MAGI2: variants seen among roughly 807,000 people sequenced by gnomAD.
The protein encoded by MAGI2 is membrane-associated guanylate kinase, WW and PDZ domain-containing protein 2.
MAGI2 carries 35 observed loss-of-function variants against 133.3 expected under a neutral mutation model. The ratio of observed to expected loss-of-function variants is 0.26; its 90% CI spans 0.20 to 0.35. MAGI2 has a LOEUF of 0.35. Ranked by LOEUF, MAGI2 falls within the 10% of genes least tolerant of loss-of-function variation. The pLI, the probability that MAGI2 is intolerant of heterozygous loss-of-function variation, is 1.00. For missense variants in MAGI2, 1,636 were observed against 1,863.4 expected, an observed-to-expected ratio of 0.88 and a Z score of 2.25; for synonymous variants, 729 against 710.6, an observed-to-expected ratio of 1.03 and a Z score of -0.41.
intron 1 of MAGI2, among the ~76,000 whole-genome samples, chr7:79,148,653 GT>G (rs1262263329): frequency 6.6e-6 from 1 of 151,906 alleles, no homozygotes; most frequent in Admixed American, 6.6e-5. Flanking sequence ...CCATGGATGT[GT>G]TTGTGCTTGA....
chr7:78,232,757 G>T (rs1584491702), intron 10 of MAGI2, among the ~76,000 whole-genome samples: 2 of 152,326 alleles, frequency 1.3e-5, no homozygotes, highest in South Asian at 2.1e-4. Flanking sequence ...CTTTCTGGAA[G>T]AAGTAATGTC....
At chr7:78,586,967 T>G (rs1391174429) in intron 3 of MAGI2, among the ~76,000 whole-genome samples, 2 of 152,244 alleles carry the variant, frequency 1.3e-5, no homozygotes, top group African/African-American at 4.8e-5. Context: ...TTTGTTTATC[T>G]GTTCATTCAC....
intron 9 of MAGI2, among the ~76,000 whole-genome samples, chr7:78,272,638 C>T (rs1212933086): frequency 2.0e-5 from 3 of 152,046 alleles, no homozygotes; most frequent in South Asian, 2.1e-4. Flanking sequence ...ATCGGGTGCA[C>T]ATATATTTAG....
chr7:78,210,844 C>T (rs935417751), intron 10 of MAGI2, among the ~76,000 whole-genome samples: 6 of 152,120 alleles, frequency 3.9e-5, no homozygotes, highest in African/African-American at 1.4e-4. Flanking sequence ...AGAGGAGGGT[C>T]ACTGGTGACC....
intron 9 of MAGI2, among the ~76,000 whole-genome samples, chr7:78,295,589 T>TATCA (rs1453512253): frequency 1.3e-5 from 2 of 152,196 alleles, no homozygotes. Context: ...TCCTAGTTCC[T>TATCA]ATCACAATGA....
chr7:78,162,317 A>G (rs1274832716), intron 15 of MAGI2, among the ~76,000 whole-genome samples: 1 of 150,470 alleles, frequency 6.6e-6, no homozygotes, highest in Non-Finnish European at 1.5e-5. Context: ...CGAGGTCAGG[A>G]GATCGAGACC....
chr7:78,609,817 T>G, intron 3 of MAGI2, among the ~76,000 whole-genome samples: 1 of 152,226 alleles, frequency 6.6e-6, no homozygotes, highest in East Asian at 1.9e-4. Context: ...TGTAGTAGGC[T>G]GATTTCAACT....
intron 1 of MAGI2, among the ~76,000 whole-genome samples, chr7:79,068,991 GTT>G (rs989141153): frequency 7.0e-6 from 1 of 143,200 alleles, no homozygotes; most frequent in Non-Finnish European, 1.5e-5. Flanking sequence ...CATTGGCTGA[GTT>G]TTTTTTTTTT....
At chr7:78,475,859 C>G (rs1441004428) in intron 6 of MAGI2, among the ~76,000 whole-genome samples, 1 of 151,666 alleles carries the variant, frequency 6.6e-6, no homozygotes, top group Non-Finnish European at 1.5e-5. Flanking sequence ...AAATCCAGCC[C>G]ATCTTTAAAA....
At chr7:79,152,888 T>C (rs1445334467) in intron 1 of MAGI2, among the ~76,000 whole-genome samples, 5 of 152,208 alleles carry the variant, frequency 3.3e-5, no homozygotes, top group Non-Finnish European at 5.9e-5. Flanking sequence ...AAGGTATCAA[T>C]TTCAACCTCA....
chr7:78,594,608 C>T (rs1327752513), intron 3 of MAGI2, among the ~76,000 whole-genome samples: 1 of 152,126 alleles, frequency 6.6e-6, no homozygotes, highest in Non-Finnish European at 1.5e-5. Flanking sequence ...CAGGCAAGCA[C>T]CACCATGCCC....
intron 9 of MAGI2, among the ~76,000 whole-genome samples, chr7:78,260,878 TTTTC>T (rs1417971790): frequency 6.6e-6 from 1 of 152,186 alleles, no homozygotes. Flanking sequence ...TAAGATAATT[TTTTC>T]TTTCTTAGTC....
chr7:78,960,539 G>T (rs1802750642), intron 2 of MAGI2, among the ~76,000 whole-genome samples: 1 of 152,042 alleles, frequency 6.6e-6, no homozygotes, highest in Non-Finnish European at 1.5e-5. Flanking sequence ...CATATTCAAA[G>T]AAATGTAAAA....
chr7:78,619,736 C>T (rs1402778109), intron 3 of MAGI2, among the ~76,000 whole-genome samples: 1 of 151,816 alleles, frequency 6.6e-6, no homozygotes, highest in Non-Finnish European at 1.5e-5. Context: ...ATGCAAAAAC[C>T]GTACACTATC....
chr7:79,004,075 A>G (rs1269432029), intron 2 of MAGI2, among the ~76,000 whole-genome samples: 1 of 152,198 alleles, frequency 6.6e-6, no homozygotes, highest in Non-Finnish European at 1.5e-5. Context: ...GAATTGCCAT[A>G]TGGTTCAGTA....
chr7:78,824,141 T>C (rs565545471), intron 2 of MAGI2, among the ~76,000 whole-genome samples: 25 of 152,302 alleles, frequency 1.6e-4, no homozygotes, highest in South Asian at 6.2e-4. Context: ...GTTACATATC[T>C]CTCTTAATGA....
intron 3 of MAGI2, among the ~76,000 whole-genome samples, chr7:78,589,102 T>A (rs1227769279): frequency 1.3e-5 from 2 of 152,184 alleles, no homozygotes; most frequent in African/African-American, 4.8e-5. Context: ...TCCTAGCCTA[T>A]CACAGAGCTG....
At chr7:78,893,963 A>C (rs1388888844) in intron 2 of MAGI2, among the ~76,000 whole-genome samples, 1 of 152,200 alleles carries the variant, frequency 6.6e-6, no homozygotes, top group African/African-American at 2.4e-5. Context: ...ATGAAAGCTC[A>C]AAGTTTAAGT....
At chr7:78,753,092 A>G (rs985495652) in intron 2 of MAGI2, among the ~76,000 whole-genome samples, 1 of 152,228 alleles carries the variant, frequency 6.6e-6, no homozygotes, top group Non-Finnish European at 1.5e-5. Context: ...AGAATGAGAC[A>G]TATGAAGAAA....
Sources: gnomAD v4.1 joint callset for allele counts (sites outside exome capture counted in the v4.1 genomes callset) on GRCh38, gnomAD v4.1.1 for gene constraint, MANE v1.5 for transcripts, NCBI Gene and HGNC (gene_info 2026-07-23, HGNC 2026-07-21) for gene names.